PTPRS: variants seen among roughly 807,000 people sequenced by gnomAD.
PTPRS encodes protein tyrosine phosphatase receptor type S.
In PTPRS, 63 loss-of-function variants were observed where a neutral mutation model predicts 215.3. The observed-to-expected ratio is 0.29, with a 90% CI of 0.24 to 0.36. The LOEUF (loss-of-function observed/expected upper bound fraction) is 0.36. Among genes scored for constraint, PTPRS ranks in the 10% least tolerant of loss-of-function variants. The probability of loss-of-function intolerance (pLI) is 1.00; values close to 1 mark genes in which losing one functional copy is unlikely to be tolerated. For missense variants in PTPRS, 2,258 were observed against 2,825.8 expected, an observed-to-expected ratio of 0.80 and a Z score of 4.56; for synonymous variants, 1,404 against 1,191.4, an observed-to-expected ratio of 1.18 and a Z score of -3.68.
chr19:5,234,943 CTTTTTTT>C (rs113097365), intron 13 of PTPRS, among the ~76,000 whole-genome samples: 3 of 137,836 alleles, frequency 2.2e-5, no homozygotes, highest in East Asian at 4.1e-4. Flanking sequence ...TTCTTTCTTT[CTTTTTTT>C]TTTTTTTTTT....
chr19:5,249,620 T>C (rs1469056117), intron 9 of PTPRS, among the ~76,000 whole-genome samples: 2 of 152,234 alleles, frequency 1.3e-5, no homozygotes, highest in African/African-American at 4.8e-5. Context: ...GGCATCTAGC[T>C]CTTTCAAACT....
intron 9 of PTPRS, among the ~76,000 whole-genome samples, chr19:5,247,919 G>A (rs1000156133): frequency 4.0e-5 from 6 of 151,800 alleles, no homozygotes; most frequent in East Asian, 1.9e-4. Flanking sequence ...TCCAGAAGTC[G>A]CACTGGAGAC....
Position 5,222,977 on chromosome 19 carries a change from C to T in PTPRS, c.2815G>A (p.Gly939Ser). The T allele has an allele frequency of 6.5e-7, 1 of 1,540,806 alleles. No homozygotes were observed. Among genetic ancestry groups the T allele is most frequent in the African/African-American group, 1.4e-5 (1 of 72,758 alleles). ...RGHPQILEAA[G>S]NASAGTVLLR... The stretch of plus-strand genomic sequence containing the variant: ...AGGACGGTCCCGGCCGAGGCGTTGC[C>T]GGCCGCCTCCAGAATCTGCGGGTGG... Residue 939 changes from glycine (G) to serine (S), a missense_variant, in exon 18 of 38, where the codon GGC becomes AGC. By Grantham distance (56) the Gly-to-Ser change is moderately conservative. Coordinates refer to ENST00000262963, the MANE Select transcript of PTPRS (RefSeq NM_002850.4).
Position 5,259,892 on chromosome 19 carries a change from TTC to T in PTPRS, c.595+911_595+912del, listed in dbSNP as rs543674154. ...TGCCTATTCTCCCTGGACCTCGAGGTTCTGGGAAGCAGGCAGTATCTCCATCA... is the reference window on the plus strand; with the variant it reads ...TGCCTATTCTCCCTGGACCTCGAGGTTGGGAAGCAGGCAGTATCTCCATCA... On this transcript the variant is annotated intron_variant, in intron 7 of 37. Coordinates refer to ENST00000262963, the MANE Select transcript of PTPRS (RefSeq NM_002850.4). Among the ~76,000 whole-genome samples, 7 of 152,216 alleles carry T rather than the reference TTC, an allele frequency of 4.6e-5. No individual in the cohort carries two copies. The South Asian group carries it at 1.4e-3, about 32-fold the overall frequency.
chr19:5,270,851 G>A (rs2046848106), intron 4 of PTPRS, among the ~76,000 whole-genome samples: 1 of 152,046 alleles, frequency 6.6e-6, no homozygotes, highest in Admixed American at 6.6e-5. Context: ...CACCATGTTG[G>A]CCAGGCTGGT....
intron 2 of PTPRS, among the ~76,000 whole-genome samples, chr19:5,285,533 T>C (rs537354220): frequency 1.9e-4 from 29 of 152,360 alleles, no homozygotes; most frequent in Middle Eastern, 3.4e-3. Flanking sequence ...CAATGCCCTT[T>C]TTCCCAAGAA....
Position 5,212,027 on chromosome 19 carries a change from T to C in PTPRS, c.4993A>G (p.Ile1665Val), listed in dbSNP as rs1313280271. Residue 1665 changes from isoleucine to valine, a missense_variant, in exon 32 of 38, where the codon ATC becomes GTC. Physicochemically the swap from Ile to Val is conservative, Grantham distance 29 (BLOSUM62 3). Coordinates refer to ENST00000262963, the MANE Select transcript of PTPRS (RefSeq NM_002850.4). ...EVPARSLYAY[I>V]QKLAQVEPGE... ...GGCTCCACCTGGGCCAGCTTCTGGATGTAGGCATAGAGGCTGCGTGCGGGC... is the reference window on the plus strand; with the variant it reads ...GGCTCCACCTGGGCCAGCTTCTGGACGTAGGCATAGAGGCTGCGTGCGGGC... 2 of 1,613,752 alleles carry C rather than the reference T, an allele frequency of 1.2e-6. No homozygotes were observed. The highest frequency in any genetic ancestry group is 1.1e-5 in the South Asian group (1 of 91,088).
At chr19:5,217,098 G>C (rs1026338053) in intron 25 of PTPRS, among the ~76,000 whole-genome samples, 1 of 152,258 alleles carries the variant, frequency 6.6e-6, no homozygotes, top group Non-Finnish European at 1.5e-5. Context: ...GCATTCTGAG[G>C]AAGGAGGATG....
intron 9 of PTPRS, among the ~76,000 whole-genome samples, chr19:5,250,008 A>G (rs1378353114): frequency 2.0e-5 from 3 of 152,204 alleles, no homozygotes; most frequent in Admixed American, 6.5e-5. Context: ...GAATATGTAA[A>G]AGACTTGCAG....
chr19:5,284,411 AT>A (rs1314067009), intron 2 of PTPRS, among the ~76,000 whole-genome samples: 3 of 135,156 alleles, frequency 2.2e-5, no homozygotes, highest in African/African-American at 5.5e-5. Flanking sequence ...AAATAAATAA[AT>A]AAATAAAAAT....
intron 10 of PTPRS, 73 bp downstream of exon 10, chr19:5,245,702 TC>T: frequency 6.7e-7 from 1 of 1,499,926 alleles, no homozygotes; most frequent in Non-Finnish European, 8.9e-7. Flanking sequence ...CCACGCTGCC[TC>T]CCACCTGTGC....
At chr19:5,327,906 T>A (rs4807721) in intron 1 of PTPRS, among the ~76,000 whole-genome samples, 17,411 of 152,076 alleles carry the variant, frequency 0.11, 1,257 homozygotes, top group Admixed American at 0.23. Context: ...CGGGTACTGG[T>A]TGACTCTTAA....
At chr19:5,275,051 A>T (rs565018157) in intron 2 of PTPRS, among the ~76,000 whole-genome samples, 5 of 144,660 alleles carry the variant, frequency 3.5e-5, no homozygotes, top group African/African-American at 5.2e-5. Flanking sequence ...AGGCAGTGCC[A>T]TCCTGATCGT....
intron 1 of PTPRS, among the ~76,000 whole-genome samples, chr19:5,305,292 T>G (rs1348761537): frequency 6.6e-6 from 1 of 152,112 alleles, no homozygotes; most frequent in Non-Finnish European, 1.5e-5. Flanking sequence ...ATGCCTGTGA[T>G]CCCTGCACTT....
chr19:5,263,695 C>T (rs1034572601), intron 5 of PTPRS, among the ~76,000 whole-genome samples: 6 of 152,220 alleles, frequency 3.9e-5, no homozygotes, highest in African/African-American at 1.4e-4. Flanking sequence ...GAGACACATC[C>T]CCACCACGTG....
Position 5,219,950 on chromosome 19 carries a change from T to G in PTPRS, c.3754A>C (p.Lys1252Gln). The change falls in exon 22 of 38, where the codon AAG becomes CAG. Residue 1252 changes from lysine to glutamine, a missense_variant. Coordinates refer to ENST00000262963, the MANE Select transcript of PTPRS (RefSeq NM_002850.4). ...YVLFVLAVLQKSEPTFAASPF... is the reference protein window; with the variant it reads ...YVLFVLAVLQQSEPTFAASPF... Reference sequence around the variant, plus strand: ...CATTCAGGACTTACAGGCTCGCTCTTCTGAAGCACGGCAAGCACGAAGAGG... The same window carrying G: ...CATTCAGGACTTACAGGCTCGCTCTGCTGAAGCACGGCAAGCACGAAGAGG... The G allele has an allele frequency of 6.2e-7, 1 of 1,613,724 alleles. No individual in the cohort carries two copies. Among genetic ancestry groups the G allele is most frequent in the Non-Finnish European group, 8.5e-7 (1 of 1,179,796 alleles).
rs112957513 is a variant in PTPRS, at chr19:5,206,082, A to C, written c.*692T>G. On this transcript the variant is annotated 3_prime_UTR_variant, in exon 38 of 38. Coordinates refer to ENST00000262963, the MANE Select transcript of PTPRS (RefSeq NM_002850.4). ...AATTAAAAAAAAAAAAAAAAAAAAA[A>C]AAGCCAAGGTACAGCCATGGGCCTG... Among the ~76,000 whole-genome samples the C allele has an allele frequency of 2.1e-5, 3 of 144,378 alleles. No individual in the cohort carries two copies. The highest frequency in any genetic ancestry group is 6.8e-5 in the Admixed American group (1 of 14,604). 94.7% of individuals were successfully genotyped at this position (144,378 alleles called of 152,430 possible).
chr19:5,304,924 A>C (rs2049428245), intron 1 of PTPRS, among the ~76,000 whole-genome samples: 1 of 97,066 alleles, frequency 1.0e-5, no homozygotes, highest in Non-Finnish European at 2.0e-5. Context: ...CCCATGGGAG[A>C]GGCAACTGAG....
intron 10 of PTPRS, among the ~76,000 whole-genome samples, chr19:5,245,281 C>T (rs944697407): frequency 2.0e-5 from 3 of 151,878 alleles, no homozygotes; most frequent in Non-Finnish European, 4.4e-5. Flanking sequence ...TGAGCCACCG[C>T]GCCTGGCCCA....
Sources: gnomAD v4.1 joint callset for allele counts (sites outside exome capture counted in the v4.1 genomes callset) on GRCh38, gnomAD v4.1.1 for gene constraint, MANE v1.5 for transcripts, NCBI Gene and HGNC (gene_info 2026-07-23, HGNC 2026-07-21) for gene names.